The following LYPD6B variants were observed in gnomAD, a reference collection of about 807,000 sequenced individuals.
LYPD6B encodes the protein LY6/PLAUR domain containing 6B.
Under a neutral mutation model 22.8 loss-of-function variants are expected in LYPD6B, and 17 were observed. The observed-to-expected ratio is 0.75, with a 90% CI of 0.51 to 1.12. LYPD6B has a LOEUF of 1.12. Ranked by LOEUF, LYPD6B falls within the 50% of genes most tolerant of loss-of-function variation. The pLI is 0.00. For missense variants in LYPD6B, 221 were observed against 258.3 expected (o/e 0.86, Z 0.99); for synonymous variants, 106 against 91.6 (o/e 1.16, Z -0.90).
intron 5 of LYPD6B, among the ~76,000 whole-genome samples, chr2:149,212,204 C>T (rs895138686): frequency 1.3e-5 from 2 of 150,422 alleles, no homozygotes; most frequent in Non-Finnish European, 3.0e-5. Context: ...GGTCAAACCC[C>T]GTCTCTACTA....
intron 2 of LYPD6B, among the ~76,000 whole-genome samples, chr2:149,135,600 A>C (rs1371019739): frequency 6.6e-6 from 1 of 151,624 alleles, no homozygotes; most frequent in Non-Finnish European, 1.5e-5. Context: ...GGCACCGGTA[A>C]TCCCAGCTAC....
At chr2:149,092,176 T>C (rs1685684538) in intron 1 of LYPD6B, among the ~76,000 whole-genome samples, 1 of 151,848 alleles carries the variant, frequency 6.6e-6, no homozygotes, top group African/African-American at 2.4e-5. Context: ...GATTGGTGGT[T>C]GTGATTGTGG....
chr2:149,209,859 C>T (rs1227012163), intron 5 of LYPD6B, among the ~76,000 whole-genome samples: 4 of 152,054 alleles, frequency 2.6e-5, no homozygotes, highest in Non-Finnish European at 5.9e-5. Context: ...TGTGTGTGCG[C>T]TTATGAGTGT....
At chr2:149,061,285 C>T (rs927159758) in intron 1 of LYPD6B, among the ~76,000 whole-genome samples, 2 of 151,722 alleles carry the variant, frequency 1.3e-5, no homozygotes, top group African/African-American at 4.8e-5. Context: ...CAGCCTTGAC[C>T]TCCTGGGCTC....
At chr2:149,148,878 C>T (rs1689195605) in intron 2 of LYPD6B, among the ~76,000 whole-genome samples, 1 of 152,130 alleles carries the variant, frequency 6.6e-6, no homozygotes, top group African/African-American at 2.4e-5. Flanking sequence ...GTTTTACAGA[C>T]TTCTACAGCC....
rs529048989 is a variant in LYPD6B at position 149,112,600 on chromosome 2, C to CT, written c.-66-18277dup. On this transcript the variant is annotated intron_variant, in intron 1 of 6. Transcript: ENST00000409642. ...CTTAATGTCTCTCACCCTTGGTTTC[C>CT]TTTTTTGTAATATGTATATAAAAAT... Among the ~76,000 whole-genome samples the CT allele has an allele frequency of 1.4e-4, 22 of 152,098 alleles. No homozygotes were observed. In the South Asian group the frequency reaches 4.2e-3, roughly 29 times the overall value.
intron 1 of LYPD6B, among the ~76,000 whole-genome samples, chr2:149,065,980 G>A (rs1258413813): frequency 6.6e-6 from 1 of 151,962 alleles, no homozygotes; most frequent in East Asian, 1.9e-4. Context: ...CCAAAGTGTC[G>A]GGATTACGAG....
chr2:149,135,534 A>G (rs1169207708), intron 2 of LYPD6B, among the ~76,000 whole-genome samples: 3 of 151,844 alleles, frequency 2.0e-5, no homozygotes, highest in Non-Finnish European at 2.9e-5. Context: ...AGCCTGGCCA[A>G]CATGGTGAAA....
intron 1 of LYPD6B, among the ~76,000 whole-genome samples, chr2:149,086,599 A>T (rs560700799): frequency 6.6e-6 from 1 of 152,316 alleles, no homozygotes; most frequent in East Asian, 1.9e-4. Flanking sequence ...ACGCTGTCCT[A>T]GGGAAGGTAT....
At position 149,195,875 on chromosome 2, in the gene LYPD6B, A is replaced by G. The variant is rs559313618; in HGVS notation, c.78-9378A>G. On this transcript the variant is annotated intron_variant, in intron 3 of 6. Coordinates refer to ENST00000409642, the MANE Select transcript of LYPD6B (RefSeq NM_177964.5). Reference sequence around the variant, plus strand: ...TATTTGATATCTCTATTTTACTGATAGGGAAACAGTCTCAGAGCAATCCAG... The same window carrying G: ...TATTTGATATCTCTATTTTACTGATGGGGAAACAGTCTCAGAGCAATCCAG... 2.5e-3 allele frequency among the ~76,000 whole-genome samples: 385 copies of G among 152,312 alleles called. 1 individual carries two copies. Among genetic ancestry groups the G allele is most frequent in the Non-Finnish European group, 4.3e-3 (290 of 68,026 alleles).
intron 2 of LYPD6B, among the ~76,000 whole-genome samples, chr2:149,133,985 C>T (rs1004604237): frequency 2.0e-5 from 3 of 151,558 alleles, no homozygotes; most frequent in East Asian, 3.9e-4. Context: ...AAGTGCTATG[C>T]GAAAACAAAT....
chr2:149,108,059 CCT>C (rs1275903457), intron 1 of LYPD6B, among the ~76,000 whole-genome samples: 2 of 152,012 alleles, frequency 1.3e-5, no homozygotes, highest in Non-Finnish European at 2.9e-5. Context: ...TGAGAGGGAC[CCT>C]GTGGGAGGTA....
chr2:149,197,752 C>T (rs1692903663), intron 3 of LYPD6B, among the ~76,000 whole-genome samples: 1 of 152,216 alleles, frequency 6.6e-6, no homozygotes. Flanking sequence ...GTGCTTCGTT[C>T]ATGGAAGGGG....
chr2:149,134,633 C>T (rs995831747), intron 2 of LYPD6B, among the ~76,000 whole-genome samples: 2 of 152,164 alleles, frequency 1.3e-5, no homozygotes, highest in African/African-American at 4.8e-5. Flanking sequence ...ATGCCAACAA[C>T]CCCATTCTCT....
At chr2:149,202,572 A>G (rs1385855932) in intron 3 of LYPD6B, among the ~76,000 whole-genome samples, 2 of 152,200 alleles carry the variant, frequency 1.3e-5, no homozygotes, top group Non-Finnish European at 2.9e-5. Flanking sequence ...TGTTTCCTTC[A>G]TGAAACTTAT....
intron 3 of LYPD6B, among the ~76,000 whole-genome samples, chr2:149,190,888 A>G (rs1692443772): frequency 6.6e-6 from 1 of 152,168 alleles, no homozygotes. Context: ...TTATACATAC[A>G]GAAGTTGTCT....
At chr2:149,053,483 A>G (rs1683656138) in intron 1 of LYPD6B, among the ~76,000 whole-genome samples, 1 of 152,244 alleles carries the variant, frequency 6.6e-6, no homozygotes, top group Non-Finnish European at 1.5e-5. Flanking sequence ...TGGGTCAAAT[A>G]TAATACCCAT....
chr2:149,158,746 A>C (rs1689862293), intron 2 of LYPD6B, among the ~76,000 whole-genome samples: 1 of 152,250 alleles, frequency 6.6e-6, no homozygotes, highest in African/African-American at 2.4e-5. Flanking sequence ...AGCATATTTG[A>C]GACTTATACA....
In LYPD6B at chr2:149,163,053, G is replaced by A. The variant is rs546506966; in HGVS notation, c.77+2218G>A. Among the ~76,000 whole-genome samples, 243 of 152,212 alleles carry A rather than the reference G, an allele frequency of 1.6e-3. 1 individual carries two copies. The highest frequency in any genetic ancestry group is 5.5e-3 in the African/African-American group (227 of 41,536). On this transcript the variant is annotated intron_variant, in intron 3 of 6. Coordinates refer to ENST00000409642, the MANE Select transcript of LYPD6B (RefSeq NM_177964.5). ...ATCTTGAGAGGGGTCTCTGTGGGGG[G>A]TGGGGCAGGAGTCCTGCTTGCCTGG...
Sources: allele counts gnomAD v4.1 joint callset (sites outside exome capture counted in the v4.1 genomes callset), GRCh38; gene constraint gnomAD v4.1.1; transcripts MANE v1.5; gene names NCBI Gene and HGNC (gene_info 2026-07-23, HGNC 2026-07-21).